CWC27: variants seen among roughly 807,000 people sequenced by gnomAD.
The protein encoded by CWC27 is spliceosome-associated protein CWC27 homolog.
In CWC27, 47 loss-of-function variants were observed where a neutral mutation model predicts 63.6. The observed-to-expected ratio is 0.74, with a 90% CI of 0.58 to 0.94. The LOEUF is 0.94. Among genes scored for constraint, CWC27 ranks in the 40% least tolerant of loss-of-function variants. CWC27 has a pLI of 0.00. For missense variants in CWC27, 495 were observed against 554.3 expected, an observed-to-expected ratio of 0.89 and a Z score of 1.07; for synonymous variants, 175 against 179.8, an observed-to-expected ratio of 0.97 and a Z score of 0.22.
rs36083384 is a variant in CWC27, at chr5:64,924,956, G to GACACACACAC, written c.1042+39433_1042+39442dup. 2.3e-3 allele frequency among the ~76,000 whole-genome samples: 331 copies of GACACACACAC among 145,558 alleles called. 2 individuals carry two copies. The highest frequency in any genetic ancestry group is 7.9e-3 in the African/African-American group (315 of 39,828). On this transcript the variant is annotated intron_variant, in intron 11 of 13. Coordinates refer to ENST00000381070, the MANE Select transcript of CWC27 (RefSeq NM_005869.4). ...ACTCTTTCCCTCTCTGTCTTTCTTA[G>GACACACACAC]ACACACACACACACACACACACACA...
chr5:64,807,796 T>A (rs1744740775), intron 10 of CWC27: 1 of 1,535,398 alleles, frequency 6.5e-7, no homozygotes, highest in South Asian at 1.2e-5. Context: ...GCTTGTTTTT[T>A]TATGAAATGA....
At chr5:64,897,243 C>T (rs1747400568) in intron 11 of CWC27, among the ~76,000 whole-genome samples, 1 of 152,002 alleles carries the variant, frequency 6.6e-6, no homozygotes, top group Non-Finnish European at 1.5e-5. Flanking sequence ...GGGCATATAC[C>T]CGAAAGATTA....
intron 10 of CWC27, among the ~76,000 whole-genome samples, chr5:64,862,033 G>A (rs1746424686): frequency 6.6e-6 from 1 of 152,210 alleles, no homozygotes; most frequent in Admixed American, 6.5e-5. Context: ...CAGAGCGCTA[G>A]ATATCAAGTA....
intron 10 of CWC27, among the ~76,000 whole-genome samples, chr5:64,829,631 C>T (rs1262734429): frequency 3.5e-5 from 5 of 142,286 alleles, no homozygotes; most frequent in Non-Finnish European, 4.5e-5. Flanking sequence ...CACTTTAATA[C>T]TTTTATTCAC....
intron 13 of CWC27, among the ~76,000 whole-genome samples, chr5:64,982,252 T>C (rs1204968641): frequency 6.6e-6 from 1 of 152,232 alleles, no homozygotes; most frequent in East Asian, 1.9e-4. Flanking sequence ...CAATACCTTT[T>C]ATATGTAATA....
chr5:64,929,862 C>T (rs1299957950), intron 11 of CWC27, among the ~76,000 whole-genome samples: 2 of 151,362 alleles, frequency 1.3e-5, no homozygotes, highest in Non-Finnish European at 2.9e-5. Flanking sequence ...CAGTTACACT[C>T]CTAGATATAT....
intron 11 of CWC27, among the ~76,000 whole-genome samples, chr5:64,913,885 GA>G (rs1345186527): frequency 2.6e-5 from 4 of 151,998 alleles, no homozygotes; most frequent in African/African-American, 4.8e-5. Context: ...AGACAGTCAA[GA>G]TTGAGGAAAA....
At chr5:64,789,090 A>G (rs1743987262) in intron 7 of CWC27, 70 bp downstream of exon 7, 13 of 978,148 alleles carry the variant, frequency 1.3e-5, no homozygotes, top group Non-Finnish European at 1.9e-5. Flanking sequence ...TCACTATTGT[A>G]TCTCCTGCTA....
intron 11 of CWC27, among the ~76,000 whole-genome samples, chr5:64,908,313 T>C (rs1396114079): frequency 2.0e-5 from 3 of 152,236 alleles, no homozygotes; most frequent in Admixed American, 2.0e-4. Flanking sequence ...AACTATGTGG[T>C]CAATTTTGGA....
intron 12 of CWC27, among the ~76,000 whole-genome samples, chr5:64,974,197 C>T (rs912738696): frequency 4.6e-5 from 7 of 151,894 alleles, no homozygotes; most frequent in Non-Finnish European, 1.0e-4. Context: ...ATGATTGTAC[C>T]ATTGCACTCC....
intron 10 of CWC27, chr5:64,808,345 C>G: frequency 1.0e-6 from 1 of 988,510 alleles, no homozygotes; most frequent in Non-Finnish European, 1.2e-6. Flanking sequence ...ACTATATTCC[C>G]TGACTCCTTA....
intron 11 of CWC27, among the ~76,000 whole-genome samples, chr5:64,909,807 T>C (rs1747745790): frequency 6.6e-6 from 1 of 152,192 alleles, no homozygotes; most frequent in Admixed American, 6.5e-5. Flanking sequence ...CTGTGCTGTT[T>C]ATTCTAGTTA....
intron 10 of CWC27, among the ~76,000 whole-genome samples, chr5:64,827,397 C>A (rs1745392644): frequency 6.6e-6 from 1 of 152,048 alleles, no homozygotes; most frequent in African/African-American, 2.4e-5. Flanking sequence ...CATGTTGTTT[C>A]TTTTCCCATT....
chr5:64,864,307 A>G (rs550366873), intron 10 of CWC27, among the ~76,000 whole-genome samples: 14 of 152,200 alleles, frequency 9.2e-5, no homozygotes, highest in Non-Finnish European at 1.5e-4. Flanking sequence ...TTCAAGATTT[A>G]GAGTCCTGGG....
chr5:64,999,556 T>C (rs894882346), intron 13 of CWC27, among the ~76,000 whole-genome samples: 5 of 152,154 alleles, frequency 3.3e-5, no homozygotes, highest in African/African-American at 1.2e-4. Context: ...TCAACATTTC[T>C]AGCTCCCACA....
chr5:64,778,292 G>A (rs1377242695), intron 2 of CWC27, among the ~76,000 whole-genome samples: 2 of 151,896 alleles, frequency 1.3e-5, no homozygotes, highest in Admixed American at 6.6e-5. Flanking sequence ...ATGCACTTGC[G>A]CTGTCTCTTG....
Position 64,787,589 on chromosome 5 carries a change from C to T in CWC27, c.599+962C>T, listed in dbSNP as rs551666223. On this transcript the variant is annotated intron_variant, in intron 6 of 13. Coordinates refer to ENST00000381070, the MANE Select transcript of CWC27 (RefSeq NM_005869.4). ...ATTATAAATATTTTAAAATATAAAG[C>T]TGTTTCATTCAGTATTCTGGTTTAT... Among the ~76,000 whole-genome samples the T allele has an allele frequency of 2.6e-5, 4 of 151,696 alleles. No homozygotes were observed. The South Asian group carries it at 6.2e-4, about 24-fold the overall frequency.
intron 13 of CWC27, among the ~76,000 whole-genome samples, chr5:65,015,238 A>T (rs553014244): frequency 1.3e-5 from 2 of 152,334 alleles, no homozygotes; most frequent in African/African-American, 4.8e-5. Flanking sequence ...TTCTTAATTG[A>T]CAAATTCTGA....
chr5:64,774,845 T>G (rs1029667056), intron 2 of CWC27, 58 bp downstream of exon 2: 12 of 970,764 alleles, frequency 1.2e-5, no homozygotes, highest in Non-Finnish European at 1.8e-5. Context: ...TAAACTGCAG[T>G]GTCTGCTTCA....
Sources: allele counts gnomAD v4.1 joint callset (sites outside exome capture counted in the v4.1 genomes callset), GRCh38; gene constraint gnomAD v4.1.1; transcripts MANE v1.5; gene names NCBI Gene and HGNC (gene_info 2026-07-23, HGNC 2026-07-21).